Variants in ASB14 observed in about 807,000 individuals in gnomAD.
ASB14 encodes ankyrin repeat and SOCS box containing 14, also known as ankyrin repeat and SOCS box protein 14.
ASB14 carries 63 observed loss-of-function variants against 55.6 expected under a neutral mutation model. That is an observed-to-expected ratio of 1.13 (90% CI 0.92 to 1.40). ASB14 has a LOEUF of 1.40. Ranked by LOEUF, ASB14 falls within the 40% of genes most tolerant of loss-of-function variation. The pLI, the probability that ASB14 is intolerant of heterozygous loss-of-function variation, is 0.00. For missense variants in ASB14, 724 were observed against 710.4 expected, an observed-to-expected ratio of 1.02 and a Z score of -0.22; for synonymous variants, 256 against 259.9, an observed-to-expected ratio of 0.98 and a Z score of 0.15.
intron 6 of ASB14, among the ~76,000 whole-genome samples, chr3:57,281,366 C>G (rs578252465): frequency 1.4e-3 from 210 of 151,974 alleles, no homozygotes; most frequent in African/African-American, 4.6e-3. Context: ...GTAAGGGGAG[C>G]TGGGAGGTGA....
chr3:57,288,571 A>T (rs1387342420), intron 3 of ASB14, among the ~76,000 whole-genome samples: 2 of 152,066 alleles, frequency 1.3e-5, no homozygotes, highest in Non-Finnish European at 1.5e-5. Context: ...ATTTTCTCCC[A>T]GAAAAGCCTA....
chr3:57,273,484 T>C (rs2060961664), intron 10 of ASB14: 1 of 152,656 alleles, frequency 6.6e-6, no homozygotes, highest in South Asian at 2.1e-4. Context: ...TTTGATACTC[T>C]GAACTTTATT....
chr3:57,279,476 G>A (rs945031488), intron 7 of ASB14, among the ~76,000 whole-genome samples: 10 of 151,714 alleles, frequency 6.6e-5, no homozygotes, highest in East Asian at 3.9e-4. Flanking sequence ...CGAGGAGGGC[G>A]GATCACGAGG....
At chr3:57,281,529 A>G (rs1355797) in intron 6 of ASB14, among the ~76,000 whole-genome samples, 16,389 of 151,982 alleles carry the variant, frequency 0.11, 1,433 homozygotes, top group East Asian at 0.39. Flanking sequence ...CACAGACTCC[A>G]TAAGAGTCAT....
chr3:57,268,851 A>G lies in ASB14; in HGVS notation c.*790T>C, dbSNP rs190364069. On this transcript the variant is annotated 3_prime_UTR_variant, in exon 11 of 11. Transcript: ENST00000487349. ...AATATATATGTTATATGAAATATAT[A>G]ATGAAATGTATATTTTTAATATTGC... 460 of 153,384 alleles carry G rather than the reference A, an allele frequency of 3.0e-3. 1 individual carries two copies. The highest frequency in any genetic ancestry group is 0.01 in the African/African-American group (432 of 41,612). The allele number at this position is 153,384 out of a possible 1,614,324, so 9.5% of individuals were successfully genotyped here.
chr3:57,275,826 T>C (rs1375236910), intron 10 of ASB14, among the ~76,000 whole-genome samples: 1 of 152,180 alleles, frequency 6.6e-6, no homozygotes, highest in East Asian at 1.9e-4. Context: ...CTGTACTGAA[T>C]AGGCAATTAT....
At position 57,283,220 on chromosome 3, in the gene ASB14, T is replaced by C. The variant is rs1426418164; in HGVS notation, c.689A>G (p.Glu230Gly). ...TTTCCGCAGTAACATTTCCATGATTTCAGTGTGTCCACTTTGGGCAGCAAG... is the reference window on the plus strand; with the variant it reads ...TTTCCGCAGTAACATTTCCATGATTCCAGTGTGTCCACTTTGGGCAGCAAG... Reference protein sequence around the residue: ...LALAAQSGHTEIMEMLLRKGA... With the variant: ...LALAAQSGHTGIMEMLLRKGA... Residue 230 changes from glutamate (E) to glycine (G), a missense_variant, in exon 6 of 11, where the codon GAA (glutamate) becomes GGA (glycine). Transcript: ENST00000487349. The C allele has an allele frequency of 6.4e-7, 1 of 1,552,104 alleles. No homozygotes were observed. The highest frequency in any genetic ancestry group is 2.4e-5 in the East Asian group (1 of 40,930).
chr3:57,278,950 C>T (rs776556428), intron 7 of ASB14, 30 bp from the exon 8 acceptor site: 1 of 1,597,514 alleles, frequency 6.3e-7, no homozygotes, highest in East Asian at 2.2e-5. Context: ...TGCATTTCAA[C>T]ATTGTTTTTA....
In ASB14 at chr3:57,289,105, G is replaced by A. The variant is rs747613144; in HGVS notation, c.141C>T (p.Ser47=). The A allele has an allele frequency of 2.2e-4, 341 of 1,529,296 alleles. No individual in the cohort carries two copies. The highest frequency in any genetic ancestry group is 2.8e-4 in the Non-Finnish European group (320 of 1,140,036). 94.7% of individuals were successfully genotyped at this position (1,529,296 alleles called of 1,614,324 possible). A position where few individuals can be genotyped will look rare whatever the true frequency, so the allele number is the denominator to read the frequency against. The change falls in exon 3 of 11, where the codon AGC becomes AGT. Residue 47 remains serine, a synonymous_variant. Transcript: ENST00000487349. Reference sequence around the variant, plus strand: ...TTTCAACTATCTTCTTATAGTCAGCGCTCAAAAAGGAATGCAAACTGCAAA... The same window carrying A: ...TTTCAACTATCTTCTTATAGTCAGCACTCAAAAAGGAATGCAAACTGCAAA... The part of the protein sequence containing the change: ...PKDESLHSFL[S]ADYKKIVETI...
Position 57,280,376 on chromosome 3 carries a change from A to G in ASB14, c.813T>C (p.Tyr271=), listed in dbSNP as rs2061030423. The change falls in exon 7 of 11, where the codon TAT becomes TAC. Residue 271 remains tyrosine (Y), a synonymous_variant. Coordinates refer to ENST00000487349, the MANE Select transcript of ASB14 (RefSeq NM_001142733.3). ...TCTTAGGGATGTTGGCATCAGCTCC[A>G]TACTCCAGCAAGAGAGCCACAGCAT... is the stretch of plus-strand genomic sequence containing the variant. ...NPDAVALLLE[Y]GADANIPKNS... 2 of 1,551,428 alleles carry G rather than the reference A, an allele frequency of 1.3e-6. No individual in the cohort carries two copies. Among genetic ancestry groups the G allele is most frequent in the Non-Finnish European group, 1.7e-6 (2 of 1,146,900 alleles).
At chr3:57,286,308 A>G (rs1034331909) in intron 5 of ASB14, among the ~76,000 whole-genome samples, 2 of 147,040 alleles carry the variant, frequency 1.4e-5, no homozygotes, top group Non-Finnish European at 3.0e-5. Flanking sequence ...ATTTTTTATT[A>G]TAATTTAAAA....
At chr3:57,277,714 A>T (rs1237309326) in intron 9 of ASB14, 53 bp downstream of exon 9, 4 of 1,478,474 alleles carry the variant, frequency 2.7e-6, no homozygotes, top group African/African-American at 1.4e-5. Flanking sequence ...ACAACCAAAT[A>T]AGAATACAAT....
chr3:57,281,066 TA>T lies in ASB14; in HGVS notation c.716-594del, dbSNP rs200832300. On this transcript the variant is annotated intron_variant, in intron 6 of 10. Coordinates refer to ENST00000487349, the MANE Select transcript of ASB14 (RefSeq NM_001142733.3). The stretch of plus-strand genomic sequence containing the variant: ...GAAGTGTTTCATATTTCAGGGTTTT[TA>T]AAAAAAATATTTGCACTACACTTAC... Among the ~76,000 whole-genome samples the T allele has an allele frequency of 7.3e-5, 11 of 149,764 alleles. No homozygotes were observed. In the East Asian group the frequency reaches 1.5e-3, roughly 21 times the overall value.
rs367679340 is a variant in ASB14, at chr3:57,291,964, A to G, written c.70T>C (p.Leu24=). Residue 24 remains leucine, a synonymous_variant, in exon 2 of 11, where the codon TTG becomes CTG. Coordinates refer to ENST00000487349, the MANE Select transcript of ASB14 (RefSeq NM_001142733.3). The part of the protein sequence containing the change: ...FDTQLIIQQS[L]QDIYKPGTAQ... The stretch of plus-strand genomic sequence containing the variant: ...GTTCCTGGCTTATAAATATCCTGCA[A>G]ACTCTGTTGAATGATGAGCTGGGTG... 5.2e-5 allele frequency: 80 copies of G among 1,536,242 alleles called. No individual in the cohort carries two copies. Among genetic ancestry groups the G allele is most frequent in the Non-Finnish European group, 6.2e-5 (71 of 1,146,004 alleles).
intron 2 of ASB14, 72 bp from the exon 3 acceptor site, chr3:57,289,195 G>A: frequency 9.4e-7 from 1 of 1,059,622 alleles, no homozygotes; most frequent in Non-Finnish European, 1.4e-6. Context: ...TAAATCAAAA[G>A]GAAAGGGTAA....
At chr3:57,283,132 AGAG>A (rs1489572287) in intron 6 of ASB14, 59 bp downstream of exon 6, 9 of 1,527,282 alleles carry the variant, frequency 5.9e-6, no homozygotes, top group African/African-American at 1.4e-5. Context: ...CTCTCCATTA[AGAG>A]GAGAACCCCT....
chr3:57,273,926 A>G (rs2060966187), intron 10 of ASB14, among the ~76,000 whole-genome samples: 1 of 152,210 alleles, frequency 6.6e-6, no homozygotes, highest in Non-Finnish European at 1.5e-5. Flanking sequence ...TTTAGAAGGT[A>G]CAGGGAATAG....
At chr3:57,284,977 T>C (rs1312228344) in intron 5 of ASB14, among the ~76,000 whole-genome samples, 1 of 147,936 alleles carries the variant, frequency 6.8e-6, no homozygotes, top group Non-Finnish European at 1.5e-5. Flanking sequence ...TATTGCTCTG[T>C]CACCCAGGCT....
At chr3:57,277,118 T>G (rs1202665721) in intron 9 of ASB14, among the ~76,000 whole-genome samples, 1 of 151,824 alleles carries the variant, frequency 6.6e-6, no homozygotes, top group African/African-American at 2.4e-5. Context: ...ATACAAAAAT[T>G]AGCTGGGCGT....
Sources: gnomAD v4.1 joint callset for allele counts (sites outside exome capture counted in the v4.1 genomes callset) on GRCh38, gnomAD v4.1.1 for gene constraint, MANE v1.5 for transcripts, NCBI Gene and HGNC (gene_info 2026-07-23, HGNC 2026-07-21) for gene names.